Variants in TDRKH observed in about 807,000 individuals in gnomAD.
The protein encoded by TDRKH is tudor and KH domain-containing protein.
A neutral mutation model predicts 61.3 loss-of-function variants in TDRKH; 28 were observed. That is an observed-to-expected ratio of 0.46 (90% confidence interval 0.34 to 0.63). The LOEUF (loss-of-function observed/expected upper bound fraction) is 0.63. Ranked by LOEUF, TDRKH falls within the 20% of genes least tolerant of loss-of-function variation. The pLI is 0.01. For synonymous variants in TDRKH, 219 were observed against 244.4 expected, an observed-to-expected ratio of 0.90 and a Z score of 0.97; for missense variants, 540 against 683.4, an observed-to-expected ratio of 0.79 and a Z score of 2.34.
chr1:151,769,005 C>G (rs972243345), downstream of TDRKH, among the ~76,000 whole-genome samples: 1 of 152,120 alleles, frequency 6.6e-6, no homozygotes, highest in Non-Finnish European at 1.5e-5. Context: ...TAACAGCATC[C>G]CAAGGCAGAA....
intron 6 of TDRKH, 171 bp downstream of exon 6, chr1:151,778,514 G>A (rs1571992390): frequency 1.3e-6 from 2 of 1,552,606 alleles, no homozygotes; most frequent in Non-Finnish European, 8.9e-7. Flanking sequence ...AACTGTTGGT[G>A]TGGATTCTAC....
intron 1 of TDRKH, among the ~76,000 whole-genome samples, chr1:151,789,772 G>A (rs1230156107): frequency 6.6e-6 from 1 of 152,096 alleles, no homozygotes; most frequent in Non-Finnish European, 1.5e-5. Context: ...ACAACATGGT[G>A]ACATGCTTGA....
At chr1:151,767,265 AG>A, downstream of TDRKH, 1 of 1,614,002 alleles carries the variant, frequency 6.2e-7, no homozygotes, top group Non-Finnish European at 8.5e-7. Flanking sequence ...AGCACCGAGC[AG>A]GGTAACCACG....
chr1:151,767,851 A>T, downstream of TDRKH: 1 of 636,110 alleles, frequency 1.6e-6, no homozygotes. Flanking sequence ...ATACTGCCTC[A>T]GCTGGATTGT....
intron 3 of TDRKH, among the ~76,000 whole-genome samples, chr1:151,781,208 T>G (rs1383912943): frequency 6.6e-6 from 1 of 150,742 alleles, no homozygotes; most frequent in Non-Finnish European, 1.5e-5. Flanking sequence ...TCCCAGCTAC[T>G]CGGGAGGCTG....
intron 1 of TDRKH, chr1:151,783,739 T>G (rs1377112946): frequency 2.6e-5 from 4 of 152,320 alleles, no homozygotes; most frequent in Admixed American, 6.5e-5. Flanking sequence ...CTTCCAAGTT[T>G]GGGCTTCTCA....
chr1:151,772,637 A>G (rs1648784378), downstream of TDRKH, among the ~76,000 whole-genome samples: 1 of 152,208 alleles, frequency 6.6e-6, no homozygotes, highest in East Asian at 1.9e-4. Flanking sequence ...AAGCACCTCA[A>G]GTACTTCAAG....
At chr1:151,766,738 G>A (rs772124385), downstream of TDRKH, 5 of 1,553,150 alleles carry the variant, frequency 3.2e-6, no homozygotes, top group African/African-American at 2.7e-5. Context: ...TGTAAGAGGT[G>A]TCGCCCCTCT....
chr1:151,780,858 A>AAG (rs1015294531), intron 3 of TDRKH, among the ~76,000 whole-genome samples: 6 of 151,900 alleles, frequency 3.9e-5, no homozygotes, highest in African/African-American at 1.2e-4. Flanking sequence ...TCAAAAAAAA[A>AAG]AAAAAAAAGG....
downstream of TDRKH, chr1:151,771,028 G>A (rs749920205): frequency 2.0e-6 from 3 of 1,526,398 alleles, no homozygotes; most frequent in South Asian, 2.6e-5. Flanking sequence ...GGGCATACAT[G>A]TATTGAGTTT....
chr1:151,785,146 G>A (rs765710433), intron 1 of TDRKH, among the ~76,000 whole-genome samples: 20 of 151,984 alleles, frequency 1.3e-4, no homozygotes, highest in Non-Finnish European at 1.2e-4. Context: ...TGCCCAGGCT[G>A]GTCTCAAACT....
chr1:151,774,489 G>A lies in TDRKH; in HGVS notation c.1649C>T (p.Ser550Phe). Residue 550 changes from serine (S) to phenylalanine (F), a missense_variant, in exon 13 of 13, where the codon TCT becomes TTT. By Grantham distance (155) the Ser-to-Phe change is radical. Transcript: ENST00000368824. ...CLSLSEAASM[S>F]GDDNLEDDYL... is the part of the protein sequence containing the mutation. ...GTCATCTTCAAGGTTATCATCACCA[G>A]ACATGGAAGCAGCTTCTATTGAAGA... 6.2e-7 allele frequency: 1 copy of A among 1,614,152 alleles called. No homozygotes were observed. Among genetic ancestry groups the A allele is most frequent in the Non-Finnish European group, 8.5e-7 (1 of 1,180,022 alleles).
In TDRKH at chr1:151,774,524, A is replaced by C; in HGVS notation, c.1634-20T>G. 6.2e-7 allele frequency: 1 copy of C among 1,614,070 alleles called. No individual in the cohort carries two copies. The highest frequency in any genetic ancestry group is 1.3e-5 in the African/African-American group (1 of 75,058). On this transcript the variant is annotated intron_variant, in intron 12 of 12. Transcript: ENST00000368824. ...CAGCTTCTATTGAAGATAAATAAGA[A>C]GGAGAAAGTTAGACACTGCCCTATT...
At chr1:151,781,954 A>G (rs1158669593) in intron 2 of TDRKH, 2 of 461,206 alleles carry the variant, frequency 4.3e-6, no homozygotes, top group South Asian at 1.6e-5. Flanking sequence ...TGATAGGTAC[A>G]TAAGTCATTT....
At chr1:151,767,668 G>A (rs1349871619), downstream of TDRKH, among the ~76,000 whole-genome samples, 1 of 152,126 alleles carries the variant, frequency 6.6e-6, no homozygotes, top group African/African-American at 2.4e-5. Flanking sequence ...TTGTAACCAT[G>A]GCATTTTAAA....
intron 4 of TDRKH, among the ~76,000 whole-genome samples, 160 bp from the exon 5 acceptor site, chr1:151,779,402 C>T (rs915968216): frequency 6.6e-6 from 1 of 152,194 alleles, no homozygotes; most frequent in Non-Finnish European, 1.5e-5. Flanking sequence ...CTACTGAAAT[C>T]ATTACTGTGA....
downstream of TDRKH, chr1:151,770,068 G>A: frequency 1.3e-6 from 2 of 1,574,448 alleles, no homozygotes; most frequent in Non-Finnish European, 1.7e-6. Flanking sequence ...ATCAGAGGGA[G>A]ACCGTGGAGA....
downstream of TDRKH, chr1:151,767,540 A>G: frequency 6.6e-6 from 5 of 757,798 alleles, no homozygotes; most frequent in Non-Finnish European, 7.7e-6. Context: ...AAGGTAAAAC[A>G]AACTCTGTAG....
At chr1:151,783,161 A>C (rs1205826266) in intron 1 of TDRKH, 112 bp from the exon 2 acceptor site, 1 of 944,484 alleles carries the variant, frequency 1.1e-6, no homozygotes, top group Non-Finnish European at 1.5e-6. Flanking sequence ...CCTACCTTCC[A>C]ATTTCAAGAG....
Sources: allele counts gnomAD v4.1 joint callset (sites outside exome capture counted in the v4.1 genomes callset), GRCh38; gene constraint gnomAD v4.1.1; transcripts MANE v1.5; gene names NCBI Gene and HGNC (gene_info 2026-07-23, HGNC 2026-07-21).